Variants in CACNA1B observed in about 807,000 individuals in gnomAD.
CACNA1B encodes voltage-dependent N-type calcium channel subunit alpha-1B.
Under a neutral mutation model 247.2 loss-of-function variants are expected in CACNA1B, and 70 were observed. The observed-to-expected ratio is 0.28, with a 90% confidence interval of 0.23 to 0.35. The LOEUF (loss-of-function observed/expected upper bound fraction) is 0.35. Ranked by LOEUF, CACNA1B falls within the 10% of genes least tolerant of loss-of-function variation. CACNA1B has a pLI of 1.00. For missense variants in CACNA1B, 2,367 were observed against 3,197.4 expected (o/e 0.74, Z 6.26); for synonymous variants, 1,231 against 1,294.4 (o/e 0.95, Z 1.05).
chr9:137,984,119 TA>T lies in CACNA1B; in HGVS notation c.1657-17del. 6.4e-7 allele frequency: 1 copy of T among 1,567,384 alleles called. No homozygotes were observed. The highest frequency in any genetic ancestry group is 8.7e-7 in the Non-Finnish European group (1 of 1,152,108). On this transcript the variant is annotated intron_variant, in intron 12 of 46. Transcript: ENST00000371372. The stretch of plus-strand genomic sequence containing the variant: ...GGTGCAGATACGGTGCACCCAAGGC[TA>T]ATGCCATCCCGTTGCAGGTCATCGT...
At chr9:137,976,315 T>G (rs942301268) in intron 12 of CACNA1B, among the ~76,000 whole-genome samples, 20 of 152,240 alleles carry the variant, frequency 1.3e-4, no homozygotes, top group African/African-American at 4.8e-4. Flanking sequence ...GCTACCTCCA[T>G]GCCTGGGATC....
intron 26 of CACNA1B, among the ~76,000 whole-genome samples, chr9:138,055,129 CTTT>C (rs1306363608): frequency 6.4e-5 from 9 of 140,668 alleles, no homozygotes; most frequent in Non-Finnish European, 6.2e-5. Context: ...TTTTCTTTTT[CTTT>C]TTTTTTTTTT....
intron 3 of CACNA1B, among the ~76,000 whole-genome samples, chr9:137,902,144 T>G (rs1302638560): frequency 6.6e-6 from 1 of 152,242 alleles, no homozygotes; most frequent in Admixed American, 6.5e-5. Context: ...TGTTCACACA[T>G]TACTAAATGG....
intron 36 of CACNA1B, among the ~76,000 whole-genome samples, chr9:138,083,034 C>T (rs1199472712): frequency 6.6e-6 from 1 of 150,912 alleles, no homozygotes; most frequent in African/African-American, 2.5e-5. Flanking sequence ...CCATCTCGGA[C>T]ACCTGCAGAC....
intron 5 of CACNA1B, among the ~76,000 whole-genome samples, chr9:137,915,086 A>G (rs1305024284): frequency 1.3e-5 from 2 of 152,234 alleles, no homozygotes; most frequent in Non-Finnish European, 2.9e-5. Context: ...CAGGAGGCCA[A>G]CTCTGCCAAG....
chr9:137,970,832 C>T (rs1160654054), intron 10 of CACNA1B, among the ~76,000 whole-genome samples: 1 of 152,134 alleles, frequency 6.6e-6, no homozygotes, highest in Non-Finnish European at 1.5e-5. Context: ...ACAAAGTTTC[C>T]AACAGTAAGT....
intron 39 of CACNA1B, among the ~76,000 whole-genome samples, chr9:138,107,267 T>TG (rs1554759296): frequency 0.24 from 34,950 of 147,218 alleles, 4,789 homozygotes; most frequent in East Asian, 0.36. Context: ...TATTTATTTA[T>TG]ATAGGGTCTC....
chr9:137,975,365 T>A (rs1030603538), intron 11 of CACNA1B, among the ~76,000 whole-genome samples: 4 of 152,078 alleles, frequency 2.6e-5, no homozygotes, highest in Non-Finnish European at 5.9e-5. Context: ...GTGAACAGAA[T>A]ACAAGTCAGC....
chr9:138,065,259 C>G (rs1959875691), intron 31 of CACNA1B, among the ~76,000 whole-genome samples: 1 of 152,218 alleles, frequency 6.6e-6, no homozygotes, highest in Non-Finnish European at 1.5e-5. Context: ...TATCACACAG[C>G]CCTTCACTGG....
chr9:137,920,012 G>T (rs553009301), intron 6 of CACNA1B, among the ~76,000 whole-genome samples: 1 of 152,104 alleles, frequency 6.6e-6, no homozygotes, highest in African/African-American at 2.4e-5. Flanking sequence ...GGACAGCACC[G>T]CACGAGGAAT....
chr9:138,002,962 A>G (rs1449233034), intron 15 of CACNA1B, among the ~76,000 whole-genome samples: 2 of 151,540 alleles, frequency 1.3e-5, no homozygotes, highest in South Asian at 2.1e-4. Flanking sequence ...CACCATGCCC[A>G]GCTAATTTTT....
chr9:137,953,681 A>G (rs544381807), intron 7 of CACNA1B, among the ~76,000 whole-genome samples: 1 of 152,240 alleles, frequency 6.6e-6, no homozygotes, highest in African/African-American at 2.4e-5. Flanking sequence ...GGGACTAGGA[A>G]TGAGCCAGGC....
chr9:138,055,461 T>C (rs1340714620), intron 26 of CACNA1B, among the ~76,000 whole-genome samples: 1 of 152,208 alleles, frequency 6.6e-6, no homozygotes, highest in Non-Finnish European at 1.5e-5. Context: ...GTCCAACTGA[T>C]CTTTTTTATT....
intron 36 of CACNA1B, among the ~76,000 whole-genome samples, chr9:138,093,403 CAAAAAAAAAA>C (rs58608297): frequency 9.2e-5 from 4 of 43,256 alleles, no homozygotes; most frequent in South Asian, 1.0e-3. Flanking sequence ...GACTCTGTCT[CAAAAAAAAAA>C]AAAAAAAAAA....
At chr9:138,041,950 G>A (rs1175383269) in intron 20 of CACNA1B, among the ~76,000 whole-genome samples, 1 of 151,986 alleles carries the variant, frequency 6.6e-6, no homozygotes, top group East Asian at 1.9e-4. Context: ...TGTAGAAACA[G>A]GGTCTGTCAC....
chr9:137,924,542 G>A (rs754304599), intron 6 of CACNA1B, among the ~76,000 whole-genome samples: 2 of 152,110 alleles, frequency 1.3e-5, no homozygotes, highest in Admixed American at 6.6e-5. Flanking sequence ...CCAATACCAC[G>A]TAGTCTTGCT....
rs367984288 is a variant in CACNA1B at position 138,100,891 on chromosome 9, A to G, written c.5223-1820A>G. Among the ~76,000 whole-genome samples, 3 of 152,052 alleles carry G rather than the reference A, an allele frequency of 2.0e-5. No homozygotes were observed. Among genetic ancestry groups the G allele is most frequent in the South Asian group, 4.2e-4 (2 of 4,810 alleles). On this transcript the variant is annotated intron_variant, in intron 37 of 46. Transcript: ENST00000371372. This position sits in a 1 kb window ranked among gnomAD's most constrained non-coding sequence, Gnocchi z 4.6. ...GTGTTCTGTGTGGAGCGGCTCCTGC[A>G]CACATCGGGCTCCGGAAATTTCGCT...
rs1588973052 is a variant in CACNA1B, at chr9:137,881,448, A to G, written c.391-1296A>G. Among the ~76,000 whole-genome samples the G allele has an allele frequency of 6.6e-6, 1 of 152,172 alleles. No individual in the cohort carries two copies. The highest frequency in any genetic ancestry group is 6.5e-5 in the Admixed American group (1 of 15,298). ...ACAGGCTGTGGAACTGGTGGCACTC[A>G]CCTCACCTGGCAGCTCTGTGGCAGC... On this transcript the variant is annotated intron_variant, in intron 2 of 46. Transcript: ENST00000371372. The surrounding 1 kb of genome is among the most constrained non-coding windows in gnomAD (Gnocchi z 4.3).
chr9:138,086,392 G>T (rs941778182), intron 36 of CACNA1B, among the ~76,000 whole-genome samples: 2 of 151,102 alleles, frequency 1.3e-5, no homozygotes, highest in East Asian at 4.1e-4. Context: ...CAGTGTGGTG[G>T]TGCATACTTG....
Sources: allele counts gnomAD v4.1 joint callset (sites outside exome capture counted in the v4.1 genomes callset), GRCh38; gene constraint gnomAD v4.1.1; non-coding constraint Gnocchi (gnomAD v3.1); transcripts MANE v1.5; gene names NCBI Gene and HGNC (gene_info 2026-07-23, HGNC 2026-07-21).